The following PPP1CB variants were observed in gnomAD, a reference collection of about 807,000 sequenced individuals.
PPP1CB encodes the protein serine/threonine-protein phosphatase PP1-beta catalytic subunit.
PPP1CB carries 2 observed loss-of-function variants against 43.7 expected under a neutral mutation model. The observed-to-expected ratio is 0.05, with a 90% CI of 0.02 to 0.14. The LOEUF (loss-of-function observed/expected upper bound fraction) is 0.14. Among genes scored for constraint, PPP1CB ranks in the 10% least tolerant of loss-of-function variants. PPP1CB has a pLI of 1.00. For missense variants in PPP1CB, 84 were observed against 398.0 expected, an observed-to-expected ratio of 0.21 and a Z score of 6.71; for synonymous variants, 136 against 135.6, an observed-to-expected ratio of 1.00 and a Z score of -0.02.
At chr2:28,775,036 G>A (rs886375180) in intron 1 of PPP1CB, among the ~76,000 whole-genome samples, 2 of 151,680 alleles carry the variant, frequency 1.3e-5, no homozygotes, top group Non-Finnish European at 2.9e-5. Flanking sequence ...TGCATGTGGA[G>A]GCCTTTTTTT....
chr2:28,791,386 A>G lies in PPP1CB; in HGVS notation c.745-2477A>G, dbSNP rs149416787. ...CACACTGTTTCCCGGGCTGGTGTGC[A>G]GTGGCACCATCTCGGCTCGCTGCAA... On this transcript the variant is annotated intron_variant, in intron 6 of 7. Transcript: ENST00000395366. 1.1e-3 allele frequency among the ~76,000 whole-genome samples: 165 copies of G among 151,892 alleles called. 1 individual carries two copies. Among genetic ancestry groups the G allele is most frequent in the African/African-American group, 3.7e-3 (154 of 41,424 alleles).
intron 5 of PPP1CB, among the ~76,000 whole-genome samples, chr2:28,786,774 CAAAAAAAA>C (rs70956040): frequency 6.1e-4 from 58 of 94,908 alleles, no homozygotes; most frequent in Middle Eastern, 6.0e-3. Flanking sequence ...GACTCCGTCT[CAAAAAAAA>C]AAAAAAAAAA....
Position 28,785,001 on chromosome 2 carries a change from T to C in PPP1CB, c.592+1023T>C, listed in dbSNP as rs572814402. 5.4e-5 allele frequency among the ~76,000 whole-genome samples: 8 copies of C among 147,916 alleles called. No homozygotes were observed. The South Asian group carries it at 1.7e-3, about 31-fold the overall frequency. ...ACTACACATCAACCATTATAAATGG[T>C]ATAGATCCTCTGATGTCAGTAGCCA... On this transcript the variant is annotated intron_variant, in intron 5 of 7. Coordinates refer to ENST00000395366, the MANE Select transcript of PPP1CB (RefSeq NM_002709.3).
intron 6 of PPP1CB, among the ~76,000 whole-genome samples, chr2:28,792,725 T>C (rs1397823116): frequency 6.6e-6 from 1 of 152,238 alleles, no homozygotes; most frequent in Non-Finnish European, 1.5e-5. Flanking sequence ...TCGTAATTGC[T>C]TTTTTATATT....
intron 6 of PPP1CB, among the ~76,000 whole-genome samples, chr2:28,790,633 C>T (rs1208473179): frequency 7.2e-5 from 11 of 152,162 alleles, no homozygotes; most frequent in Admixed American, 7.2e-4. Context: ...AGCCACTGCT[C>T]CTGGCCGGTA....
chr2:28,754,344 G>T (rs1666429165), intron 1 of PPP1CB, among the ~76,000 whole-genome samples: 1 of 87,474 alleles, frequency 1.1e-5, no homozygotes, highest in African/African-American at 4.2e-5. Context: ...TTTTGGGGGG[G>T]CGGGGGGGGG....
In PPP1CB at chr2:28,781,868, A is replaced by AT. The variant is rs373637301; in HGVS notation, c.520+36dup. On this transcript the variant is annotated intron_variant, in intron 4 of 7. Coordinates refer to ENST00000395366, the MANE Select transcript of PPP1CB (RefSeq NM_002709.3). ...GTAGACTAGTAAATTTGCCTTACAG[A>AT]TTTTTTTTTTCTTCTATTATTCGGA... The AT allele has an allele frequency of 2.3e-3, 3,317 of 1,466,190 alleles. 1 individual carries two copies. Among genetic ancestry groups the AT allele is most frequent in the African/African-American group, 3.5e-3 (250 of 71,202 alleles). The allele number at this position is 1,466,190 out of a possible 1,614,324, so 90.8% of individuals were successfully genotyped here. A position where few individuals can be genotyped will look rare whatever the true frequency, so the allele number is the denominator to read the frequency against.
intron 6 of PPP1CB, among the ~76,000 whole-genome samples, chr2:28,789,589 T>C (rs1305997698): frequency 6.9e-6 from 1 of 144,912 alleles, no homozygotes; most frequent in East Asian, 2.0e-4. Context: ...TAGATATGAT[T>C]TAGATTTTTT....
At chr2:28,784,859 G>A (rs2148053951) in intron 5 of PPP1CB, among the ~76,000 whole-genome samples, 1 of 145,234 alleles carries the variant, frequency 6.9e-6, no homozygotes, top group East Asian at 2.1e-4. Flanking sequence ...GACAGAGGTT[G>A]CAGTGAGCCG....
chr2:28,779,645 G>A (rs774261040), intron 3 of PPP1CB, among the ~76,000 whole-genome samples: 29 of 152,014 alleles, frequency 1.9e-4, no homozygotes, highest in African/African-American at 1.2e-4. Context: ...ATTAGAATAC[G>A]GGAGTAAGTA....
In PPP1CB at chr2:28,751,903, CTTGT is replaced by C; in HGVS notation, c.-219_-216del. The C allele has an allele frequency of 1.7e-6, 1 of 601,328 alleles. No individual in the cohort carries two copies. Among genetic ancestry groups the C allele is most frequent in the Non-Finnish European group, 3.0e-6 (1 of 336,102 alleles). The allele number at this position is 601,328 out of a possible 1,614,324, so 37.2% of individuals were successfully genotyped here. A position where few individuals can be genotyped will look rare whatever the true frequency, so the allele number is the denominator to read the frequency against. ...CGCGGCCCTGTTCGAGGGGGCCTCT[CTTGT>C]TTATTTATTTATTTTCCGTGGGTGC... On this transcript the variant is annotated 5_prime_UTR_variant, in exon 1 of 8. Coordinates refer to ENST00000395366, the MANE Select transcript of PPP1CB (RefSeq NM_002709.3).
At chr2:28,771,741 T>C (rs561935125) in intron 1 of PPP1CB, among the ~76,000 whole-genome samples, 7 of 152,256 alleles carry the variant, frequency 4.6e-5, no homozygotes, top group African/African-American at 9.6e-5. Context: ...AGATGGGTTA[T>C]AGAATGAAGT....
At chr2:28,758,423 A>T (rs1258047265) in intron 1 of PPP1CB, among the ~76,000 whole-genome samples, 1 of 152,226 alleles carries the variant, frequency 6.6e-6, no homozygotes, top group East Asian at 1.9e-4. Flanking sequence ...AGGCAAGGGG[A>T]AGAAATAGTT....
Position 28,801,051 on chromosome 2 carries a change from T to G in PPP1CB, c.*1748T>G, listed in dbSNP as rs1311639104. On this transcript the variant is annotated 3_prime_UTR_variant, in exon 8 of 8. Coordinates refer to ENST00000395366, the MANE Select transcript of PPP1CB (RefSeq NM_002709.3). ...TTGTCTAATTGATATGAAGCCTGAC[T>G]GATTTTTTTTTTCCTTACAGTGAGA... 3.9e-5 allele frequency: 6 copies of G among 152,540 alleles called. No homozygotes were observed. Among genetic ancestry groups the G allele is most frequent in the Non-Finnish European group, 8.8e-5 (6 of 67,954 alleles). 9.4% of individuals were successfully genotyped at this position (152,540 alleles called of 1,614,324 possible). A position where few individuals can be genotyped will look rare whatever the true frequency, so the allele number is the denominator to read the frequency against.
At chr2:28,793,833 T>G in intron 6 of PPP1CB, 30 bp from the exon 7 acceptor site, 2 of 1,612,680 alleles carry the variant, frequency 1.2e-6, no homozygotes, top group Non-Finnish European at 8.5e-7. Flanking sequence ...CACCAATAAA[T>G]GTTTTTTCTT....
chr2:28,795,949 C>A (rs1236394547), intron 7 of PPP1CB, among the ~76,000 whole-genome samples: 1 of 152,114 alleles, frequency 6.6e-6, no homozygotes, highest in Non-Finnish European at 1.5e-5. Context: ...AATCTTTAAT[C>A]CATCTTGAGT....
Position 28,752,158 on chromosome 2 carries a change from A to C in PPP1CB, c.34A>C (p.Ile12Leu). 1 of 1,548,166 alleles carries C rather than the reference A, an allele frequency of 6.5e-7. No individual in the cohort carries two copies. Among genetic ancestry groups the C allele is most frequent in the Non-Finnish European group, 8.7e-7 (1 of 1,145,384 alleles). The change falls in exon 1 of 8, where the codon ATC becomes CTC. Residue 12 changes from isoleucine to leucine, a missense_variant. Ile to Leu is a conservative substitution (Grantham distance 5). This residue lies in a region of PPP1CB where 27 missense variants were observed against 42.7 expected (regional missense o/e 0.63). Transcript: ENST00000395366. ...ADGELNVDSL[I>L]TRLLEVRGCR... ...CGGGGAGCTGAACGTGGACAGCCTC[A>C]TCACCCGGCTGCTGGAGGGTGAGTG... is the stretch of plus-strand genomic sequence containing the variant.
At chr2:28,775,372 G>C (rs980312274) in intron 1 of PPP1CB, among the ~76,000 whole-genome samples, 1 of 152,252 alleles carries the variant, frequency 6.6e-6, no homozygotes, top group East Asian at 1.9e-4. Flanking sequence ...GCCTCCCAAT[G>C]TGCTGGGATT....
chr2:28,756,934 A>G (rs947997423), intron 1 of PPP1CB, among the ~76,000 whole-genome samples: 5 of 152,220 alleles, frequency 3.3e-5, no homozygotes, highest in Non-Finnish European at 7.3e-5. Flanking sequence ...TTTAGAGGAT[A>G]TGATTTTTAG....
Sources: allele counts gnomAD v4.1 joint callset (sites outside exome capture counted in the v4.1 genomes callset), GRCh38; gene constraint gnomAD v4.1.1; regional missense constraint gnomAD v4.1.1; transcripts MANE v1.5; gene names NCBI Gene and HGNC (gene_info 2026-07-23, HGNC 2026-07-21).